CFAP47: variants seen among roughly 807,000 people sequenced by gnomAD.
CFAP47 encodes cilia and flagella associated protein 47, also known as cilia- and flagella-associated protein 47.
A neutral mutation model predicts 148.1 loss-of-function variants in CFAP47; 29 were observed. The observed-to-expected ratio is 0.20, with a 90% confidence interval of 0.15 to 0.27. The LOEUF is 0.27. Ranked by LOEUF, CFAP47 falls within the 10% of genes least tolerant of loss-of-function variation. CFAP47 has a pLI of 1.00. For missense variants in CFAP47, 1,872 were observed against 1,697.5 expected (o/e 1.10, Z -1.81); for synonymous variants, 664 against 577.3 (o/e 1.15, Z -2.15).
intron 29 of CFAP47, among the ~76,000 whole-genome samples, chrX:36,083,394 A>G (rs1938021607): frequency 1.8e-5 from 2 of 110,793 alleles, no homozygotes; most frequent in African/African-American, 6.5e-5. Context: ...TTCTCTTTGC[A>G]GCTTTGAGCT....
chrX:36,320,238 G>T (rs1941467880), intron 57 of CFAP47, among the ~76,000 whole-genome samples: 1 of 111,892 alleles, frequency 8.9e-6, no homozygotes. Flanking sequence ...TTATGAATTT[G>T]CTTAACAATA....
At chrX:36,348,485 A>G (rs1285270665) in intron 58 of CFAP47, among the ~76,000 whole-genome samples, 197 bp downstream of exon 58, 1 of 110,549 alleles carries the variant, frequency 9.0e-6, no homozygotes, top group Non-Finnish European at 1.9e-5. Flanking sequence ...AAAATAATAT[A>G]TACATATATA....
At chrX:36,235,417 C>T (rs181285296) in intron 46 of CFAP47, among the ~76,000 whole-genome samples, 148 of 112,471 alleles carry the variant, frequency 1.3e-3, no homozygotes, top group East Asian at 8.8e-3. Flanking sequence ...TAGGACCCTC[C>T]GAGCCAGGTG....
At chrX:35,987,591 G>A (rs183624841) in intron 15 of CFAP47, among the ~76,000 whole-genome samples, 7 of 111,366 alleles carry the variant, frequency 6.3e-5, no homozygotes, top group Non-Finnish European at 1.1e-4. Flanking sequence ...GCTCCCTGGC[G>A]TCAGCCCCTT....
rs1267507033 is a variant in CFAP47 at position 36,159,413 on chromosome X, T to G, written c.5787-13T>G. On this transcript the variant is annotated splice_polypyrimidine_tract_variant and intron_variant, in intron 37 of 63. Transcript: ENST00000378653. ...TTGTTAAAACGTTTTCTCTTTTATC[T>G]TTTACTAAATAGAAATGAAATTAAT... is the stretch of plus-strand genomic sequence containing the variant. 1 of 295,229 alleles carries G rather than the reference T, an allele frequency of 3.4e-6. No homozygotes were observed. Among genetic ancestry groups the G allele is most frequent in the African/African-American group, 2.7e-5 (1 of 36,365 alleles). 24.3% of individuals were successfully genotyped at this position (295,229 alleles called of 1,213,427 possible).
At chrX:36,249,822 A>G (rs1419714553) in intron 48 of CFAP47, among the ~76,000 whole-genome samples, 1 of 109,040 alleles carries the variant, frequency 9.2e-6, no homozygotes, top group Non-Finnish European at 1.9e-5. Context: ...AACATAGAAT[A>G]TATGGAATTG....
At chrX:35,993,654 G>C (rs1936812610) in intron 18 of CFAP47, among the ~76,000 whole-genome samples, 1 of 111,310 alleles carries the variant, frequency 9.0e-6, no homozygotes, top group Non-Finnish European at 1.9e-5. Context: ...TATTTTTGAT[G>C]AAGTTGGTAA....
At chrX:36,291,700 C>T (rs1398820482) in intron 51 of CFAP47, among the ~76,000 whole-genome samples, 2 of 110,384 alleles carry the variant, frequency 1.8e-5, no homozygotes, top group African/African-American at 3.3e-5. Flanking sequence ...CCATACCCCA[C>T]GATTATTAAA....
At position 36,209,920 on chromosome X, in the gene CFAP47, C is replaced by T. The variant is rs193113119; in HGVS notation, c.6817+4810C>T. ...CTCCATCCTCCACCATCCCATCAGC[C>T]TTAAGCAGTCACTAATCTAATGTCT... On this transcript the variant is annotated intron_variant, in intron 45 of 63. Coordinates refer to ENST00000378653, the MANE Select transcript of CFAP47 (RefSeq NM_001304548.2). 2.5e-3 allele frequency among the ~76,000 whole-genome samples: 284 copies of T among 111,784 alleles called. 1 individual carries two copies. The highest frequency in any genetic ancestry group is 4.5e-3 in the Non-Finnish European group (241 of 53,104).
intron 39 of CFAP47, among the ~76,000 whole-genome samples, chrX:36,172,325 C>G (rs1336210942): frequency 1.4e-4 from 15 of 106,639 alleles, no homozygotes; most frequent in Non-Finnish European, 1.2e-4. Context: ...GCCAGAACTT[C>G]CAACACTATG....
At chrX:36,228,981 A>T (rs1940304371) in intron 46 of CFAP47, among the ~76,000 whole-genome samples, 157 bp downstream of exon 46, 1 of 111,990 alleles carries the variant, frequency 8.9e-6, no homozygotes, top group Non-Finnish European at 1.9e-5. Flanking sequence ...CTTCCTAAAT[A>T]TAAATGTTAT....
Position 36,353,613 on chromosome X carries a change from C to T in CFAP47, c.8783C>T (p.Thr2928Ile). Residue 2928 changes from threonine to isoleucine, a missense_variant, in exon 60 of 64, where the codon ACT becomes ATT. Transcript: ENST00000378653. ...LNAGFFGFSLTPDLTEVLVIP... is the reference protein window; with the variant it reads ...LNAGFFGFSLIPDLTEVLVIP... ...GCTGGTTTTTTCGGATTTAGTCTTA[C>T]TCCAGATCTGACAGAAGTTTTAGTG... 8.6e-7 allele frequency: 1 copy of T among 1,161,944 alleles called. No individual in the cohort carries two copies. The highest frequency in any genetic ancestry group is 3.3e-5 in the East Asian group (1 of 30,655).
chrX:36,168,673 C>T (rs993993400), intron 39 of CFAP47, among the ~76,000 whole-genome samples: 9 of 112,039 alleles, frequency 8.0e-5, no homozygotes, highest in South Asian at 3.7e-4. Context: ...GCTATCCTGC[C>T]GCCTCTGCCT....
In CFAP47 at chrX:35,951,379, G is replaced by A. The variant is rs183680032; in HGVS notation, c.885+20G>A. On this transcript the variant is annotated intron_variant, in intron 5 of 63. Coordinates refer to ENST00000378653, the MANE Select transcript of CFAP47 (RefSeq NM_001304548.2). ...GAATTGGTAAGTAAGTGGTGCGACA[G>A]GGATATCAGATATTATGACTTAAAA... 27 of 984,463 alleles carry A rather than the reference G, an allele frequency of 2.7e-5. 1 individual carries two copies. The Admixed American group carries it at 4.1e-4, about 15-fold the overall frequency. The allele number at this position is 984,463 out of a possible 1,213,427, so 81.1% of individuals were successfully genotyped here.
intron 33 of CFAP47, among the ~76,000 whole-genome samples, chrX:36,107,052 G>T (rs1938478126): frequency 9.0e-6 from 1 of 111,681 alleles, no homozygotes; most frequent in Admixed American, 9.6e-5. Flanking sequence ...GGTTGATAGT[G>T]GGGGAGGATT....
rs752030159 is a variant in CFAP47 at position 35,971,646 on chromosome X, G to C, written c.2031G>C (p.Lys677Asn). 8.3e-7 allele frequency: 1 copy of C among 1,205,453 alleles called. No homozygotes were observed. Among genetic ancestry groups the C allele is most frequent in the East Asian group, 3.0e-5 (1 of 33,491 alleles). Residue 677 changes from lysine (K) to asparagine (N), a missense_variant, in exon 12 of 64, where the codon AAG (lysine) becomes AAC (asparagine). Coordinates refer to ENST00000378653, the MANE Select transcript of CFAP47 (RefSeq NM_001304548.2). ...DIGLEPGSGL[K>N]SPSLSEAEIE... ...GCTTAGAGCCAGGATCAGGTCTAAA[G>C]TCACCCTCACTCTCAGAAGCGGAAA...
intron 60 of CFAP47, among the ~76,000 whole-genome samples, chrX:36,360,585 G>T (rs1357996638): frequency 4.5e-5 from 5 of 111,880 alleles, no homozygotes; most frequent in African/African-American, 1.6e-4. Flanking sequence ...GTCAATTCAT[G>T]GTTCTCTGAC....
chrX:36,232,458 T>C (rs1482916605), intron 46 of CFAP47, among the ~76,000 whole-genome samples: 1 of 111,826 alleles, frequency 8.9e-6, no homozygotes, highest in Non-Finnish European at 1.9e-5. Flanking sequence ...TTGGTGGTGA[T>C]ATCCCCTTTA....
chrX:36,183,768 T>G (rs1183604569), intron 40 of CFAP47, among the ~76,000 whole-genome samples: 1 of 111,834 alleles, frequency 8.9e-6, no homozygotes, highest in African/African-American at 3.2e-5. Context: ...GAGCATTTAG[T>G]AAGTTCTTAT....
Sources: allele counts gnomAD v4.1 joint callset (sites outside exome capture counted in the v4.1 genomes callset), GRCh38; gene constraint gnomAD v4.1.1; transcripts MANE v1.5; gene names NCBI Gene and HGNC (gene_info 2026-07-23, HGNC 2026-07-21).